TLN2: variants seen among roughly 807,000 people sequenced by gnomAD.
TLN2 encodes the protein talin-2.
TLN2 carries 118 observed loss-of-function variants against 294.7 expected under a neutral mutation model. The ratio of observed to expected loss-of-function variants is 0.40; its 90% confidence interval spans 0.34 to 0.47. The LOEUF is 0.47. TLN2 is among the 20% of genes least tolerant of loss of function. The pLI is 0.84. For missense variants in TLN2, 3,083 were observed against 3,282.2 expected, an observed-to-expected ratio of 0.94 and a Z score of 1.48; for synonymous variants, 1,431 against 1,304.5, an observed-to-expected ratio of 1.10 and a Z score of -2.09.
intron 54 of TLN2, chr15:62,828,736 C>G (rs1049408702): frequency 2.0e-5 from 3 of 152,264 alleles, no homozygotes; most frequent in Non-Finnish European, 4.4e-5. Context: ...CTTCTCCTAC[C>G]TTGTGCGTTG....
In TLN2 at chr15:62,750,431, T is replaced by C. The variant is rs1320453330; in HGVS notation, c.4149T>C (p.Asn1383=). ...TGAAGGGGATGTTGGACAATCCTAATGAACCTGTTAGTGACCTCTCTTACT... is the reference window on the plus strand; with the variant it reads ...TGAAGGGGATGTTGGACAATCCTAACGAACCTGTTAGTGACCTCTCTTACT... ...ETVKGMLDNP[N]EPVSDLSYFD... is the part of the protein sequence containing the mutation. The change falls in exon 34 of 59, where the codon AAT becomes AAC. Residue 1383 remains asparagine (N), a synonymous_variant. Coordinates refer to ENST00000636159, the MANE Select transcript of TLN2 (RefSeq NM_015059.3). 1 of 1,614,108 alleles carries C rather than the reference T, an allele frequency of 6.2e-7. No homozygotes were observed. The highest frequency in any genetic ancestry group is 8.5e-7 in the Non-Finnish European group (1 of 1,180,040).
intron 1 of TLN2, among the ~76,000 whole-genome samples, chr15:62,469,643 G>T (rs903764900): frequency 6.6e-6 from 1 of 152,194 alleles, no homozygotes. Context: ...CTGCTTGTGT[G>T]CTTGGCTTGA....
intron 54 of TLN2, chr15:62,829,394 A>G (rs79880139): frequency 6.6e-6 from 1 of 151,756 alleles, no homozygotes; most frequent in South Asian, 2.1e-4. Context: ...GTGTAGGGGA[A>G]CTCCCCTTTA....
intron 54 of TLN2, among the ~76,000 whole-genome samples, chr15:62,826,306 C>G (rs2068193463): frequency 6.6e-6 from 1 of 152,184 alleles, no homozygotes; most frequent in Non-Finnish European, 1.5e-5. Context: ...GAAAACTACT[C>G]CCAAGATACT....
intron 1 of TLN2, among the ~76,000 whole-genome samples, chr15:62,409,690 G>A (rs1205392613): frequency 1.3e-5 from 2 of 152,156 alleles, no homozygotes; most frequent in Non-Finnish European, 2.9e-5. Context: ...GAATGACCAT[G>A]GTTGAAATAT....
intron 1 of TLN2, among the ~76,000 whole-genome samples, chr15:62,468,915 A>G (rs1215666223): frequency 1.3e-5 from 2 of 152,224 alleles, no homozygotes; most frequent in African/African-American, 4.8e-5. Flanking sequence ...AGGGCCTGGC[A>G]GGTGAGCAGA....
chr15:62,764,526 C>A (rs1211555115), intron 40 of TLN2, among the ~76,000 whole-genome samples: 3 of 152,192 alleles, frequency 2.0e-5, no homozygotes, highest in Non-Finnish European at 4.4e-5. Flanking sequence ...TAAGTTTTCT[C>A]AAACTGTGTG....
chr15:62,694,358 T>A lies in TLN2; in HGVS notation c.1258T>A (p.Ser420Thr). ...ATTTGGACTAGAAGGTGATGAGGAG[T>A]CAACCATGTTAGAAGAGTCCGTTTC... Reference protein sequence around the residue: ...DRFGLEGDEESTMLEESVSPK... With the variant: ...DRFGLEGDEETTMLEESVSPK... The change falls in exon 14 of 59, where the codon TCA becomes ACA. Residue 420 changes from serine (S) to threonine (T), a missense_variant. By Grantham distance (58) the Ser-to-Thr change is moderately conservative. Transcript: ENST00000636159. The A allele has an allele frequency of 6.2e-7, 1 of 1,613,896 alleles. No individual in the cohort carries two copies. The highest frequency in any genetic ancestry group is 8.5e-7 in the Non-Finnish European group (1 of 1,179,954).
At chr15:62,542,305 C>T (rs2041739131) in intron 1 of TLN2, among the ~76,000 whole-genome samples, 2 of 152,262 alleles carry the variant, frequency 1.3e-5, no homozygotes, top group Admixed American at 1.3e-4. Context: ...CATTCTCCTG[C>T]CTCAGCCTCC....
chr15:62,444,649 A>G (rs996399430), intron 1 of TLN2, among the ~76,000 whole-genome samples: 5 of 152,232 alleles, frequency 3.3e-5, no homozygotes, highest in South Asian at 2.1e-4. Context: ...GTCATGAACA[A>G]TGGTGAGGCG....
chr15:62,394,967 T>C (rs769046108), intron 1 of TLN2, among the ~76,000 whole-genome samples: 6 of 152,172 alleles, frequency 3.9e-5, no homozygotes, highest in South Asian at 4.1e-4. Context: ...TAATCAACAA[T>C]TTAATTTCAG....
chr15:62,427,753 A>G (rs2034795401), intron 1 of TLN2, among the ~76,000 whole-genome samples: 1 of 152,136 alleles, frequency 6.6e-6, no homozygotes, highest in African/African-American at 2.4e-5. Flanking sequence ...CAGACAACAA[A>G]TATGTAAATT....
chr15:62,728,587 T>C (rs915040713), intron 28 of TLN2, among the ~76,000 whole-genome samples: 3 of 152,194 alleles, frequency 2.0e-5, no homozygotes, highest in African/African-American at 4.8e-5. Flanking sequence ...GTCTTTTAAC[T>C]TTAGCCCTTT....
rs370850379 is a variant in TLN2, at chr15:62,840,616, C to T, written c.*6C>T. The T allele has an allele frequency of 1.7e-4, 274 of 1,612,362 alleles. No individual in the cohort carries two copies. The highest frequency in any genetic ancestry group is 3.2e-4 in the African/African-American group (24 of 74,810). Reference sequence around the variant, plus strand: ...TGAGGGAAGATGAGGGCTAAAGGTGCGAGCCCAGATGGCGAGCCCCAGGGG... The same window carrying T: ...TGAGGGAAGATGAGGGCTAAAGGTGTGAGCCCAGATGGCGAGCCCCAGGGG... On this transcript the variant is annotated 3_prime_UTR_variant, in exon 59 of 59. Transcript: ENST00000636159.
intron 16 of TLN2, among the ~76,000 whole-genome samples, chr15:62,699,909 G>C (rs1052417135): frequency 1.2e-4 from 19 of 152,314 alleles, no homozygotes; most frequent in African/African-American, 4.6e-4. Context: ...TGGCCAGTCA[G>C]GGTTGACAAC....
chr15:62,797,333 C>T lies in TLN2; in HGVS notation c.6165C>T (p.Thr2055=). The T allele has an allele frequency of 6.2e-7, 1 of 1,613,688 alleles. No individual in the cohort carries two copies. Among genetic ancestry groups the T allele is most frequent in the Non-Finnish European group, 8.5e-7 (1 of 1,179,994 alleles). ...AGGCGGCCCAGTCCTCAGCAGCCAC[C>T]ATCACCCAGCTCGCAGAAGTGGTCA... The part of the protein sequence containing the change: ...LAQAAQSSAA[T]ITQLAEVVKL... Residue 2055 remains threonine, a synonymous_variant, in exon 48 of 59, where the codon ACC becomes ACT. Coordinates refer to ENST00000636159, the MANE Select transcript of TLN2 (RefSeq NM_015059.3).
At chr15:62,825,813 TTATA>T (rs1567687506) in intron 54 of TLN2, among the ~76,000 whole-genome samples, 47 of 3,194 alleles carry the variant, frequency 0.015, 2 homozygotes, top group South Asian at 0.027. Context: ...ATATATTATA[TTATA>T]ATATATATTA....
intron 11 of TLN2, among the ~76,000 whole-genome samples, chr15:62,685,393 T>G (rs962672238): frequency 6.6e-6 from 1 of 152,218 alleles, no homozygotes; most frequent in Non-Finnish European, 1.5e-5. Context: ...TAATGTTGTC[T>G]GAAAATTGGG....
chr15:62,802,686 C>T (rs566813835), intron 50 of TLN2, among the ~76,000 whole-genome samples: 2 of 152,308 alleles, frequency 1.3e-5, no homozygotes, highest in African/African-American at 4.8e-5. Flanking sequence ...AATTTACATT[C>T]CCACCCACAG....
Sources: gnomAD v4.1 joint callset for allele counts (sites outside exome capture counted in the v4.1 genomes callset) on GRCh38, gnomAD v4.1.1 for gene constraint, MANE v1.5 for transcripts, NCBI Gene and HGNC (gene_info 2026-07-23, HGNC 2026-07-21) for gene names.